TENM1: variants seen among roughly 807,000 people sequenced by gnomAD.
TENM1 encodes the protein teneurin-1.
A neutral mutation model predicts 174.8 loss-of-function variants in TENM1; 35 were observed. The ratio of observed to expected loss-of-function variants is 0.20; its 90% CI spans 0.15 to 0.27. The LOEUF is 0.27. Ranked by LOEUF, TENM1 falls within the 10% of genes least tolerant of loss-of-function variation. TENM1 has a pLI of 1.00. For missense variants in TENM1, 1,633 were observed against 2,130.1 expected (o/e 0.77, Z 4.59); for synonymous variants, 781 against 798.7 (o/e 0.98, Z 0.37).
intron 1 of TENM1, among the ~76,000 whole-genome samples, chrX:124,947,943 G>A (rs2058426835): frequency 8.9e-6 from 1 of 112,046 alleles, no homozygotes; most frequent in African/African-American, 3.2e-5. Flanking sequence ...AAATAATCCA[G>A]TAAATGCTTA....
chrX:124,390,631 C>A (rs2060272650), intron 28 of TENM1, among the ~76,000 whole-genome samples: 1 of 112,416 alleles, frequency 8.9e-6, no homozygotes, highest in Non-Finnish European at 1.9e-5. Flanking sequence ...TGGTGCAAAC[C>A]TGTCTTCCTT....
chrX:124,447,503 C>T (rs1388375739), intron 23 of TENM1, among the ~76,000 whole-genome samples: 1 of 111,915 alleles, frequency 8.9e-6, no homozygotes, highest in Non-Finnish European at 1.9e-5. Flanking sequence ...TCTCCATTTC[C>T]TCACTTCCTA....
the TENM1 span, among the ~76,000 whole-genome samples, chrX:125,144,660 C>T: frequency 2.6e-3 from 294 of 111,574 alleles, 2 homozygotes; most frequent in Admixed American, 0.017. Context: ...CTGGAGGTAA[C>T]GAACAACCAT....
chrX:125,033,559 A>T, the TENM1 span, among the ~76,000 whole-genome samples: 14 of 111,999 alleles, frequency 1.3e-4, no homozygotes, highest in African/African-American at 4.5e-4. Context: ...GCAGCCTCTT[A>T]CAGTAAGTAG....
chrX:124,440,428 C>T (rs1237646548), intron 23 of TENM1, among the ~76,000 whole-genome samples: 3 of 111,558 alleles, frequency 2.7e-5, no homozygotes, highest in East Asian at 5.6e-4. Context: ...AAAAGAGAGG[C>T]CACTTAATCA....
At chrX:124,806,057 C>A in intron 3 of TENM1, among the ~76,000 whole-genome samples, 1 of 110,538 alleles carries the variant, frequency 9.0e-6, no homozygotes, top group East Asian at 2.8e-4. Flanking sequence ...TAAAAAAATA[C>A]AGATAAATAA....
chrX:124,417,272 C>A (rs963490364), intron 25 of TENM1, among the ~76,000 whole-genome samples: 7 of 110,357 alleles, frequency 6.3e-5, no homozygotes, highest in African/African-American at 2.3e-4. Context: ...TGCAGTGGCG[C>A]CATCTCAGCT....
At chrX:124,896,172 C>T (rs148771973) in exon 2 of TENM1, 4 of 1,209,224 alleles carry the variant, frequency 3.3e-6, no homozygotes, top group Admixed American at 2.2e-5. Context: ...GTAGCCATGC[C>T]GAGAAACGCT....
chrX:124,929,636 T>C (rs932863211), intron 1 of TENM1, among the ~76,000 whole-genome samples: 3 of 112,016 alleles, frequency 2.7e-5, no homozygotes, highest in Non-Finnish European at 5.6e-5. Flanking sequence ...ACTGTCAAAA[T>C]ACAGCTAAAC....
chrX:124,979,837 A>G, the TENM1 span, among the ~76,000 whole-genome samples: 1 of 111,810 alleles, frequency 8.9e-6, no homozygotes, highest in Non-Finnish European at 1.9e-5. Flanking sequence ...ATACTAACAA[A>G]TTGTAATGTG....
chrX:124,499,623 G>A (rs920138660), intron 19 of TENM1, among the ~76,000 whole-genome samples: 1 of 111,701 alleles, frequency 9.0e-6, no homozygotes, highest in South Asian at 3.7e-4. Context: ...AGTTAATTAA[G>A]TAAGATGAAT....
At chrX:125,098,188 T>C in the TENM1 span, among the ~76,000 whole-genome samples, 1 of 111,439 alleles carries the variant, frequency 9.0e-6, no homozygotes, top group Non-Finnish European at 1.9e-5. Flanking sequence ...GGTGTGAACC[T>C]GGGAGGCGGA....
chrX:124,539,074 G>A (rs16999279), intron 15 of TENM1, among the ~76,000 whole-genome samples: 29,168 of 110,176 alleles, frequency 0.26, 4,430 homozygotes, highest in African/African-American at 0.58. Flanking sequence ...TCCATTTATC[G>A]GTAAAACCCA....
At chrX:124,579,308 G>A (rs992802580) in intron 11 of TENM1, among the ~76,000 whole-genome samples, 2 of 111,720 alleles carry the variant, frequency 1.8e-5, no homozygotes. Context: ...TGGTTTTCAC[G>A]GTTCTCCAGC....
At chrX:124,782,788 C>A (rs1357739859) in intron 3 of TENM1, among the ~76,000 whole-genome samples, 2 of 111,215 alleles carry the variant, frequency 1.8e-5, no homozygotes, top group Non-Finnish European at 3.8e-5. Context: ...ATCCTTATAA[C>A]CTCCGAGACT....
At chrX:125,162,780 A>T in the TENM1 span, among the ~76,000 whole-genome samples, 1 of 111,509 alleles carries the variant, frequency 9.0e-6, no homozygotes, top group Non-Finnish European at 1.9e-5. Flanking sequence ...CCATATCTAC[A>T]TCTGCAGCTT....
At chrX:125,061,840 G>A in the TENM1 span, among the ~76,000 whole-genome samples, 68 of 109,967 alleles carry the variant, frequency 6.2e-4, no homozygotes, top group East Asian at 9.6e-3. Flanking sequence ...GGAGGCAGAG[G>A]TTGCAGTGAG....
chrX:125,168,817 C>T, the TENM1 span, among the ~76,000 whole-genome samples: 69 of 111,332 alleles, frequency 6.2e-4, 1 homozygote, highest in African/African-American at 2.2e-3. Flanking sequence ...TGAGAATAAG[C>T]CCAACCGACA....
chrX:124,397,173 T>C (rs2060344500), intron 27 of TENM1, among the ~76,000 whole-genome samples: 1 of 111,765 alleles, frequency 8.9e-6, no homozygotes, highest in African/African-American at 3.3e-5. Flanking sequence ...AGAGGGTATA[T>C]GGGGAAAAGC....
Sources: allele counts gnomAD v4.1 joint callset (sites outside exome capture counted in the v4.1 genomes callset), GRCh38; gene constraint gnomAD v4.1.1; transcripts MANE v1.5; gene names NCBI Gene and HGNC (gene_info 2026-07-23, HGNC 2026-07-21).